Variants in RDH12 observed in about 807,000 individuals in gnomAD.
The protein encoded by RDH12 is all-trans and 9-cis retinol dehydrogenase.
A neutral mutation model predicts 34.0 loss-of-function variants in RDH12; 21 were observed. That is an observed-to-expected ratio of 0.62 (90% confidence interval 0.44 to 0.89). The LOEUF (loss-of-function observed/expected upper bound fraction) is 0.89. RDH12 is among the 40% of genes least tolerant of loss of function. RDH12 has a pLI of 0.00. For synonymous variants in RDH12, 198 were observed against 169.9 expected (o/e 1.17, Z -1.29); for missense variants, 394 against 398.6 (o/e 0.99, Z 0.10).
chr14:67,719,670 G>A (rs550858436), intron 1 of RDH12, among the ~76,000 whole-genome samples: 4 of 151,940 alleles, frequency 2.6e-5, no homozygotes, highest in African/African-American at 9.7e-5. Context: ...TAGAGACGGG[G>A]TCTCACTATG....
intron 8 of RDH12, among the ~76,000 whole-genome samples, chr14:67,731,187 C>G (rs1322178517): frequency 1.4e-5 from 2 of 141,370 alleles, no homozygotes; most frequent in African/African-American, 5.3e-5. Flanking sequence ...AATTGTGTTT[C>G]TCATCATATT....
chr14:67,724,069 G>T (rs1407228391), intron 3 of RDH12, among the ~76,000 whole-genome samples: 3 of 152,176 alleles, frequency 2.0e-5, no homozygotes, highest in African/African-American at 7.2e-5. Flanking sequence ...CATGATGATG[G>T]TTACTGAATA....
intron 1 of RDH12, among the ~76,000 whole-genome samples, chr14:67,713,472 G>A (rs1470327822): frequency 6.6e-6 from 1 of 150,612 alleles, no homozygotes; most frequent in Non-Finnish European, 1.5e-5. Context: ...CAAATTTTGG[G>A]ACATCAGGGA....
intron 1 of RDH12, among the ~76,000 whole-genome samples, chr14:67,702,596 AT>A (rs2037910628): frequency 6.6e-6 from 1 of 152,212 alleles, no homozygotes; most frequent in African/African-American, 2.4e-5. Flanking sequence ...ACATTTTAAT[AT>A]TTATTTTACT....
chr14:67,716,179 A>AC (rs1491203518), intron 1 of RDH12, among the ~76,000 whole-genome samples: 1 of 150,930 alleles, frequency 6.6e-6, no homozygotes, highest in Non-Finnish European at 1.5e-5. Context: ...CCTGGACGAC[A>AC]GAGTGAGACT....
intron 3 of RDH12, 125 bp downstream of exon 3, chr14:67,722,835 C>CAGGA: frequency 1.2e-6 from 1 of 861,554 alleles, no homozygotes; most frequent in East Asian, 2.5e-5. Flanking sequence ...GCAGGAAAAG[C>CAGGA]AGGAAGGAAG....
rs2038320040 is a variant in RDH12, at chr14:67,733,959, T to G, written c.*111T>G. The G allele has an allele frequency of 1.1e-5, 8 of 743,368 alleles. No individual in the cohort carries two copies. In the South Asian group the frequency reaches 1.2e-4, roughly 11 times the overall value. 46.0% of individuals were successfully genotyped at this position (743,368 alleles called of 1,614,324 possible). A position where few individuals can be genotyped will look rare whatever the true frequency, so the allele number is the denominator to read the frequency against. Reference sequence around the variant, plus strand: ...CCTCTTGGCCAGCTGGTGCTGCGAATCCTGCCTGCTCTGATCCTCTTGACC... The same window carrying G: ...CCTCTTGGCCAGCTGGTGCTGCGAAGCCTGCCTGCTCTGATCCTCTTGACC... On this transcript the variant is annotated 3_prime_UTR_variant, in exon 9 of 9. Transcript: ENST00000551171.
At chr14:67,724,447 G>T in intron 3 of RDH12, 26 bp from the exon 4 acceptor site, 2 of 1,373,750 alleles carry the variant, frequency 1.5e-6, no homozygotes, top group Non-Finnish European at 2.1e-6. Flanking sequence ...GATGGTACGT[G>T]ATGCTCTTGT....
intron 1 of RDH12, among the ~76,000 whole-genome samples, chr14:67,712,493 C>CAAAAAAAAAAAAAA (rs79758974): frequency 7.7e-5 from 3 of 38,928 alleles, no homozygotes; most frequent in Non-Finnish European, 1.5e-4. Flanking sequence ...AAAAAACTTG[C>CAAAAAAAAAAAAAA]AAAAAAAAAA....
At chr14:67,707,445 T>C (rs1045876080) in intron 1 of RDH12, among the ~76,000 whole-genome samples, 5 of 152,210 alleles carry the variant, frequency 3.3e-5, no homozygotes, top group Non-Finnish European at 2.9e-5. Flanking sequence ...TATATATTTT[T>C]TGAGATGGAG....
At chr14:67,709,580 T>G (rs1189242708) in intron 1 of RDH12, among the ~76,000 whole-genome samples, 4 of 152,192 alleles carry the variant, frequency 2.6e-5, no homozygotes, top group Non-Finnish European at 5.9e-5. Context: ...CTCTTAAAAT[T>G]GGCCCTCACA....
At chr14:67,709,966 G>T (rs141478208) in intron 1 of RDH12, among the ~76,000 whole-genome samples, 1,544 of 152,222 alleles carry the variant, frequency 0.01, 34 homozygotes, top group African/African-American at 0.036. Context: ...TATCTAATTT[G>T]CCTCCTTTGG....
At chr14:67,713,194 G>A (rs1301282741) in intron 1 of RDH12, among the ~76,000 whole-genome samples, 1 of 151,550 alleles carries the variant, frequency 6.6e-6, no homozygotes, top group African/African-American at 2.4e-5. Flanking sequence ...CATACCTAGG[G>A]ATGGGTCTCA....
chr14:67,722,375 A>G (rs2038133800), intron 2 of RDH12, 49 bp from the exon 3 acceptor site: 2 of 559,442 alleles, frequency 3.6e-6, no homozygotes, highest in Non-Finnish European at 6.4e-6. Flanking sequence ...TCTCTTTGCC[A>G]GTAAACCTAA....
chr14:67,725,088 C>G lies in RDH12; in HGVS notation c.188-11C>G. On this transcript the variant is annotated splice_polypyrimidine_tract_variant and intron_variant, in intron 4 of 8. Coordinates refer to ENST00000551171, the MANE Select transcript of RDH12 (RefSeq NM_152443.3). Reference sequence around the variant, plus strand: ...TATGAACATACTGCTCTTTTTTTGTCTTGGACCCAGGAGCCCGAGTCTATA... The same window carrying G: ...TATGAACATACTGCTCTTTTTTTGTGTTGGACCCAGGAGCCCGAGTCTATA... 1 of 1,613,930 alleles carries G rather than the reference C, an allele frequency of 6.2e-7. No individual in the cohort carries two copies. Among genetic ancestry groups the G allele is most frequent in the Non-Finnish European group, 8.5e-7 (1 of 1,179,922 alleles).
chr14:67,726,994 C>T lies in RDH12; in HGVS notation c.462C>T (p.Leu154=). The T allele has an allele frequency of 1.2e-6, 2 of 1,612,732 alleles. No homozygotes were observed. The highest frequency in any genetic ancestry group is 1.7e-6 in the Non-Finnish European group (2 of 1,180,020). The change falls in exon 7 of 9, where the codon CTC becomes CTT. Residue 154 remains leucine, a synonymous_variant. Transcript: ENST00000551171. ...CTCTCCTCACAGGCCACTTCCTCCT[C>T]ACCTACCTGCTCCTGGAGCGGCTAA... The part of the protein sequence containing the change: ...LGVNHLGHFL[L]TYLLLERLKV...
At chr14:67,725,292 G>C (rs765950597) in intron 5 of RDH12, 38 bp downstream of exon 5, 1 of 1,608,430 alleles carries the variant, frequency 6.2e-7, no homozygotes, top group Admixed American at 1.7e-5. Flanking sequence ...GCAGGAAATT[G>C]GGTATGGGAG....
intron 1 of RDH12, among the ~76,000 whole-genome samples, chr14:67,713,570 T>C (rs1265010886): frequency 1.5e-4 from 23 of 152,182 alleles, no homozygotes. Flanking sequence ...CAGGCACTGA[T>C]AGGAGATTTG....
At chr14:67,712,843 C>T (rs553319329) in intron 1 of RDH12, among the ~76,000 whole-genome samples, 3 of 151,994 alleles carry the variant, frequency 2.0e-5, no homozygotes, top group East Asian at 1.9e-4. Context: ...AAAAAGGTGG[C>T]CTTGTTATGA....
Sources: gnomAD v4.1 joint callset for allele counts (sites outside exome capture counted in the v4.1 genomes callset) on GRCh38, gnomAD v4.1.1 for gene constraint, MANE v1.5 for transcripts, NCBI Gene and HGNC (gene_info 2026-07-23, HGNC 2026-07-21) for gene names.